Variants in PTPRR observed in about 807,000 individuals in gnomAD.
PTPRR encodes the protein receptor-type tyrosine-protein phosphatase R.
Under a neutral mutation model 77.2 loss-of-function variants are expected in PTPRR, and 38 were observed. The ratio of observed to expected loss-of-function variants is 0.49; its 90% confidence interval spans 0.38 to 0.65. PTPRR has a LOEUF of 0.65. Among genes scored for constraint, PTPRR ranks in the 30% least tolerant of loss-of-function variants. The pLI is 0.00. For missense variants in PTPRR, 744 were observed against 799.2 expected, an observed-to-expected ratio of 0.93 and a Z score of 0.83; for synonymous variants, 299 against 283.1, an observed-to-expected ratio of 1.06 and a Z score of -0.57.
At position 70,662,558 on chromosome 12, in the gene PTPRR, A is replaced by C; in HGVS notation, c.1545T>G (p.Val515=). Residue 515 remains valine, a synonymous_variant, in exon 11 of 14, where the codon GTT becomes GTG. Coordinates refer to ENST00000283228, the MANE Select transcript of PTPRR (RefSeq NM_002849.4). ...WPEKRGIYGK[V]EVLVISVNEC... ...CATTTACACTGATAACCAGAACCTC[A>C]ACTTTTCCATATATCCCTCTCTTTT... The C allele has an allele frequency of 6.2e-7, 1 of 1,612,834 alleles. No individual in the cohort carries two copies. Among genetic ancestry groups the C allele is most frequent in the Non-Finnish European group, 8.5e-7 (1 of 1,179,166 alleles).
chr12:70,708,873 G>C lies in PTPRR; in HGVS notation c.1008-7550C>G, dbSNP rs528714898. ...CATTTTCTAAGTAGCACAATACAAT[G>C]AATAACCTCCTGTCTCTTTATGCAA... On this transcript the variant is annotated intron_variant, in intron 6 of 13. Coordinates refer to ENST00000283228, the MANE Select transcript of PTPRR (RefSeq NM_002849.4). 1.6e-4 allele frequency among the ~76,000 whole-genome samples: 24 copies of C among 150,946 alleles called. No homozygotes were observed. The South Asian group carries it at 5.0e-3, about 32-fold the overall frequency.
chr12:70,688,832 TA>T (rs1887960692), intron 8 of PTPRR, among the ~76,000 whole-genome samples: 1 of 152,196 alleles, frequency 6.6e-6, no homozygotes, highest in Non-Finnish European at 1.5e-5. Context: ...ATGGTCTATA[TA>T]CATAATGGAG....
At chr12:70,717,923 CA>C (rs1889094677) in intron 6 of PTPRR, among the ~76,000 whole-genome samples, 1 of 152,134 alleles carries the variant, frequency 6.6e-6, no homozygotes, top group Non-Finnish European at 1.5e-5. Flanking sequence ...ACATATTAAA[CA>C]ATTATCATAT....
intron 10 of PTPRR, among the ~76,000 whole-genome samples, chr12:70,673,652 T>C (rs1320972930): frequency 6.6e-6 from 1 of 152,176 alleles, no homozygotes; most frequent in Non-Finnish European, 1.5e-5. Flanking sequence ...ATAGAAATAA[T>C]AAGAAATATT....
At chr12:70,808,205 T>C (rs1341450028) in intron 2 of PTPRR, among the ~76,000 whole-genome samples, 1 of 152,152 alleles carries the variant, frequency 6.6e-6, no homozygotes, top group Non-Finnish European at 1.5e-5. Flanking sequence ...AATTCCAGCC[T>C]GGCAAATTCT....
intron 2 of PTPRR, among the ~76,000 whole-genome samples, chr12:70,784,711 A>G (rs533409202): frequency 6.6e-6 from 1 of 152,258 alleles, no homozygotes; most frequent in Non-Finnish European, 1.5e-5. Flanking sequence ...GCTTAAAGAT[A>G]CGTGTTTACT....
intron 1 of PTPRR, among the ~76,000 whole-genome samples, chr12:70,916,504 G>C (rs527797927): frequency 1.9e-4 from 29 of 149,390 alleles, no homozygotes; most frequent in South Asian, 1.8e-3. Flanking sequence ...TTAGTCTATC[G>C]TTTCTTTTGA....
At chr12:70,702,494 G>C (rs1213665735) in intron 6 of PTPRR, among the ~76,000 whole-genome samples, 2 of 151,934 alleles carry the variant, frequency 1.3e-5, no homozygotes, top group African/African-American at 4.8e-5. Flanking sequence ...TATTCCCTCT[G>C]GTATTTTAAT....
At chr12:70,655,503 T>A (rs796584694) in intron 13 of PTPRR, among the ~76,000 whole-genome samples, 7 of 152,352 alleles carry the variant, frequency 4.6e-5, no homozygotes, top group African/African-American at 1.4e-4. Context: ...GAAGTCTTCA[T>A]CAATTGATGA....
intron 6 of PTPRR, among the ~76,000 whole-genome samples, chr12:70,718,270 T>C (rs1889108500): frequency 7.6e-6 from 1 of 131,210 alleles, no homozygotes; most frequent in Non-Finnish European, 1.8e-5. Flanking sequence ...GGTCCACTGT[T>C]TTTTTTTTTT....
chr12:70,788,797 T>G, intron 2 of PTPRR: 1 of 1,463,618 alleles, frequency 6.8e-7, no homozygotes, highest in Non-Finnish European at 9.2e-7. Flanking sequence ...CCTCTGCCTA[T>G]CATGAGAGAT....
chr12:70,833,812 T>C (rs1276440192), intron 2 of PTPRR, among the ~76,000 whole-genome samples: 1 of 152,196 alleles, frequency 6.6e-6, no homozygotes, highest in Non-Finnish European at 1.5e-5. Context: ...AGATGACATG[T>C]ATTGAATACA....
chr12:70,870,372 G>A (rs1349309356), intron 2 of PTPRR, among the ~76,000 whole-genome samples: 1 of 152,112 alleles, frequency 6.6e-6, no homozygotes, highest in East Asian at 1.9e-4. Flanking sequence ...CTCTACCATA[G>A]TGCTTTGTGA....
intron 6 of PTPRR, among the ~76,000 whole-genome samples, chr12:70,723,619 T>C (rs1255925881): frequency 1.3e-5 from 2 of 152,154 alleles, no homozygotes; most frequent in Non-Finnish European, 2.9e-5. Flanking sequence ...AGATTAAATA[T>C]TACAAATATA....
intron 10 of PTPRR, chr12:70,672,453 G>A: frequency 9.3e-7 from 1 of 1,077,118 alleles, no homozygotes. Context: ...CAGATGCCAT[G>A]GCCCATGTGG....
intron 6 of PTPRR, among the ~76,000 whole-genome samples, chr12:70,709,236 A>C (rs1888731008): frequency 6.6e-6 from 1 of 152,152 alleles, no homozygotes; most frequent in Admixed American, 6.6e-5. Flanking sequence ...TGACCATCTC[A>C]ATAGATACAG....
At chr12:70,842,008 G>T (rs1330901997) in intron 2 of PTPRR, among the ~76,000 whole-genome samples, 1 of 152,014 alleles carries the variant, frequency 6.6e-6, no homozygotes, top group Non-Finnish European at 1.5e-5. Context: ...TTTTACAAAA[G>T]ATTTTTTCAA....
intron 2 of PTPRR, among the ~76,000 whole-genome samples, chr12:70,844,714 G>T (rs185575227): frequency 1.3e-5 from 2 of 152,016 alleles, no homozygotes; most frequent in African/African-American, 4.8e-5. Context: ...TGAATTTAAG[G>T]TTCATCATTT....
intron 2 of PTPRR, among the ~76,000 whole-genome samples, chr12:70,767,015 C>T (rs1469491088): frequency 2.0e-5 from 3 of 151,972 alleles, no homozygotes; most frequent in African/African-American, 4.8e-5. Flanking sequence ...CTGAAGGAAG[C>T]GCTAAACATG....
Sources: gnomAD v4.1 joint callset for allele counts (sites outside exome capture counted in the v4.1 genomes callset) on GRCh38, gnomAD v4.1.1 for gene constraint, MANE v1.5 for transcripts, NCBI Gene and HGNC (gene_info 2026-07-23, HGNC 2026-07-21) for gene names.